FAT3: variants seen among roughly 807,000 people sequenced by gnomAD.
FAT3 encodes the protein FAT atypical cadherin 3, also known as protocadherin Fat 3.
FAT3 carries 95 observed loss-of-function variants against 310.2 expected under a neutral mutation model. The observed-to-expected ratio is 0.31, with a 90% CI of 0.26 to 0.36. The LOEUF (loss-of-function observed/expected upper bound fraction) is 0.36. FAT3 is among the 10% of genes least tolerant of loss of function. FAT3 has a pLI of 1.00. For missense variants in FAT3, 5,408 were observed against 5,715.6 expected, an observed-to-expected ratio of 0.95 and a Z score of 1.74; for synonymous variants, 2,314 against 2,192.9, an observed-to-expected ratio of 1.06 and a Z score of -1.54.
At chr11:92,868,621 A>C (rs1230297458) in intron 22 of FAT3, among the ~76,000 whole-genome samples, 1 of 152,182 alleles carries the variant, frequency 6.6e-6, no homozygotes, top group African/African-American at 2.4e-5. Flanking sequence ...CTCCATGTCA[A>C]ATGCTGGGTA....
intron 18 of FAT3, among the ~76,000 whole-genome samples, chr11:92,843,225 C>T (rs1948593171): frequency 6.6e-6 from 1 of 152,140 alleles, no homozygotes; most frequent in Admixed American, 6.5e-5. Context: ...CTGCAGGGTT[C>T]ACTGCAGCTC....
At chr11:92,619,243 T>C (rs1290069820) in intron 3 of FAT3, among the ~76,000 whole-genome samples, 1 of 152,186 alleles carries the variant, frequency 6.6e-6, no homozygotes, top group East Asian at 1.9e-4. Flanking sequence ...AGTTTGCTAG[T>C]ATTTGTTGAT....
chr11:92,561,250 CGTGTGTGTGTGTGTGTGTGTGT>C (rs66585879), intron 3 of FAT3, among the ~76,000 whole-genome samples: 8 of 148,482 alleles, frequency 5.4e-5, no homozygotes, highest in Admixed American at 2.0e-4. Context: ...CCTTCTACTT[CGTGTGTGTGTGTGTGTGTGTGT>C]GTGTGTGTGT....
intron 3 of FAT3, among the ~76,000 whole-genome samples, chr11:92,617,895 C>T (rs889675598): frequency 6.6e-6 from 1 of 152,200 alleles, no homozygotes; most frequent in Non-Finnish European, 1.5e-5. Flanking sequence ...TCAGCCCCTA[C>T]TGGGGGGTGT....
Position 92,798,225 on chromosome 11 carries a change from C to A in FAT3, c.5212C>A (p.Gln1738Lys), listed in dbSNP as rs760520594. The change falls in exon 10 of 28, where the codon CAA (glutamine) becomes AAA (lysine). Residue 1738 changes from glutamine to lysine, a missense_variant. Gln to Lys is a moderately conservative substitution (Grantham distance 53). Transcript: ENST00000525166. The stretch of plus-strand genomic sequence containing the variant: ...GGATTATGAGCGCACATCCTCTTAT[C>A]AACTCATCATTCAGGCCACCAATAT... ...ALDYERTSSY[Q>K]LIIQATNMAG... 4 of 1,613,820 alleles carry A rather than the reference C, an allele frequency of 2.5e-6. No homozygotes were observed. The highest frequency in any genetic ancestry group is 3.4e-6 in the Non-Finnish European group (4 of 1,179,860).
At chr11:92,599,058 G>A (rs1939870252) in intron 3 of FAT3, among the ~76,000 whole-genome samples, 1 of 152,080 alleles carries the variant, frequency 6.6e-6, no homozygotes, top group Non-Finnish European at 1.5e-5. Flanking sequence ...TCAGATCTGG[G>A]GATAAGAACA....
chr11:92,681,640 G>T (rs916424000), intron 3 of FAT3, among the ~76,000 whole-genome samples: 1 of 152,188 alleles, frequency 6.6e-6, no homozygotes, highest in Admixed American at 6.5e-5. Flanking sequence ...GCCCTCAGAA[G>T]GAAGTAGCAG....
chr11:92,876,685 C>T lies in FAT3; in HGVS notation c.12128-4046C>T, dbSNP rs1019572080. 2.0e-5 allele frequency among the ~76,000 whole-genome samples: 3 copies of T among 152,224 alleles called. No individual in the cohort carries two copies. In the East Asian group the frequency reaches 5.8e-4, roughly 29 times the overall value. On this transcript the variant is annotated intron_variant, in intron 22 of 27. Transcript: ENST00000525166. ...AAATATATAGATTGCTCTCTTGGCT[C>T]CTGCATCTGTCTCTTGAAGATAAGA...
At chr11:92,597,422 T>C (rs1333213081) in intron 3 of FAT3, among the ~76,000 whole-genome samples, 1 of 152,198 alleles carries the variant, frequency 6.6e-6, no homozygotes, top group Non-Finnish European at 1.5e-5. Context: ...ACAGTCACGA[T>C]GTAAACTTCA....
chr11:92,421,342 GT>G (rs1164693302), intron 2 of FAT3, among the ~76,000 whole-genome samples: 4 of 152,048 alleles, frequency 2.6e-5, no homozygotes, highest in African/African-American at 7.2e-5. Context: ...CATTTATTCA[GT>G]TTTTATGGTC....
At chr11:92,609,874 C>G (rs970890950) in intron 3 of FAT3, among the ~76,000 whole-genome samples, 2 of 152,066 alleles carry the variant, frequency 1.3e-5, no homozygotes, top group Non-Finnish European at 2.9e-5. Context: ...CATAAAACTA[C>G]TTGAAATAGG....
intron 3 of FAT3, among the ~76,000 whole-genome samples, chr11:92,550,289 T>C (rs776747034): frequency 1.3e-5 from 2 of 152,138 alleles, no homozygotes; most frequent in Admixed American, 6.5e-5. Context: ...TTTAAAGAAA[T>C]AGAACACCAG....
intron 3 of FAT3, among the ~76,000 whole-genome samples, chr11:92,528,804 T>C (rs984074424): frequency 1.3e-5 from 2 of 152,210 alleles, no homozygotes; most frequent in South Asian, 2.1e-4. Context: ...GTTTACACCA[T>C]GGAAACCCCA....
intron 1 of FAT3, among the ~76,000 whole-genome samples, chr11:92,232,554 A>G (rs1055901596): frequency 2.0e-5 from 3 of 151,106 alleles, no homozygotes; most frequent in Admixed American, 1.3e-4. Context: ...TTAAAAGCTC[A>G]TAATGTCTTG....
At chr11:92,247,478 G>A (rs1864965899) in intron 1 of FAT3, among the ~76,000 whole-genome samples, 2 of 152,056 alleles carry the variant, frequency 1.3e-5, no homozygotes, top group Admixed American at 1.3e-4. Context: ...CCTGGCAGAA[G>A]CGTGAAGAAA....
chr11:92,403,284 C>A (rs10466348), intron 2 of FAT3: 15,475 of 152,200 alleles, frequency 0.1, 971 homozygotes, highest in African/African-American at 0.17. Context: ...TTTTACTTTA[C>A]CCACTCTTCT....
At chr11:92,677,110 G>C (rs1420827321) in intron 3 of FAT3, among the ~76,000 whole-genome samples, 1 of 152,226 alleles carries the variant, frequency 6.6e-6, no homozygotes, top group Admixed American at 6.5e-5. Flanking sequence ...GTGCTTGTGT[G>C]ACTTGCATAA....
rs372291767 is a variant in FAT3 at position 92,805,165 on chromosome 11, G to A, written c.8909G>A (p.Arg2970Gln). 33 of 1,609,442 alleles carry A rather than the reference G, an allele frequency of 2.1e-5. No individual in the cohort carries two copies. The Admixed American group carries it at 2.5e-4, about 12-fold the overall frequency. The change falls in exon 11 of 28, where the codon CGA (arginine) becomes CAA (glutamine). Residue 2970 changes from arginine to glutamine, a missense_variant. This residue lies in a region of FAT3 where 4,588 missense variants were observed against 4,809.8 expected (regional missense o/e 0.95). Coordinates refer to ENST00000525166, the MANE Select transcript of FAT3 (RefSeq NM_001367949.2). The stretch of plus-strand genomic sequence containing the variant: ...TTTTTAACTGCAGGAGGAAACCCTC[G>A]AGGAAGGTTTGCTCTGGGCCTGGTG... ...VSYHITGGNP[R>Q]GRFALGLVQS...
chr11:92,303,174 C>G (rs1437556338), intron 1 of FAT3, among the ~76,000 whole-genome samples: 2 of 152,096 alleles, frequency 1.3e-5, no homozygotes, highest in African/African-American at 4.8e-5. Flanking sequence ...TGTGCTCATT[C>G]ATAAACTCAA....
Sources: gnomAD v4.1 joint callset for allele counts (sites outside exome capture counted in the v4.1 genomes callset) on GRCh38, gnomAD v4.1.1 for gene constraint, gnomAD v4.1.1 regional missense constraint, MANE v1.5 for transcripts, NCBI Gene and HGNC (gene_info 2026-07-23, HGNC 2026-07-21) for gene names.